Variants in ERFL observed in about 807,000 individuals in gnomAD.
ERFL encodes the protein ETS repressor factor like.
ERFL carries 8 observed loss-of-function variants against 27.9 expected under a neutral mutation model. That is an observed-to-expected ratio of 0.29 (90% confidence interval 0.17 to 0.52). The LOEUF is 0.52. ERFL is among the 20% of genes least tolerant of loss of function. The pLI, the probability that ERFL is intolerant of heterozygous loss-of-function variation, is 0.97. For missense variants in ERFL, 294 were observed against 444.4 expected (o/e 0.66, Z 3.04); for synonymous variants, 174 against 202.8 (o/e 0.86, Z 1.21).
intron 1 of ERFL, among the ~76,000 whole-genome samples, chr19:41,913,726 T>TAAG (rs1372469307): frequency 1.4e-5 from 2 of 148,008 alleles, no homozygotes; most frequent in Non-Finnish European, 3.0e-5. Context: ...CTAGATATCT[T>TAAG]ACGCCCCTAA....
rs1227780290 is a variant in ERFL, at chr19:41,916,862, G to C, written c.-13-3930C>G. Among the ~76,000 whole-genome samples, 1 of 151,800 alleles carries C rather than the reference G, an allele frequency of 6.6e-6. No homozygotes were observed. The highest frequency in any genetic ancestry group is 2.4e-5 in the African/African-American group (1 of 41,194). Reference sequence around the variant, plus strand: ...ACGACCGACAGCGGCCCCTGCAGAGGTACACACAGACACACCCAGACACAC... The same window carrying C: ...ACGACCGACAGCGGCCCCTGCAGAGCTACACACAGACACACCCAGACACAC... On this transcript the variant is annotated intron_variant, in intron 1 of 5. Coordinates refer to ENST00000597630, the MANE Select transcript of ERFL (RefSeq NM_001365103.2). This position sits in a 1 kb window ranked among gnomAD's most constrained non-coding sequence, Gnocchi z 5.4.
At chr19:41,919,494 C>A (rs564157211) in intron 1 of ERFL, among the ~76,000 whole-genome samples, 1 of 148,422 alleles carries the variant, frequency 6.7e-6, no homozygotes, top group East Asian at 2.0e-4. Flanking sequence ...TTACCACCCA[C>A]GTGTGCACGT....
intron 1 of ERFL, among the ~76,000 whole-genome samples, chr19:41,924,976 G>A (rs2074862972): frequency 2.0e-5 from 3 of 152,236 alleles, no homozygotes; most frequent in Admixed American, 1.3e-4. Context: ...GGTTCCCAAT[G>A]CTTGCAAAAG....
rs2074762080 is a variant in ERFL at position 41,912,881 on chromosome 19, C to G, written c.39G>C (p.Pro13=). The change falls in exon 2 of 6, where the codon CCG becomes CCC. Residue 13 remains proline, a synonymous_variant. Transcript: ENST00000597630. ...CSCVSDLLFA[P]PALPALWTPG... ...GGGTCCAGAGAGCCGGCAGGGCGGG[C>G]GGGGCGAAGAGAAGGTCGGAGACGC... 1 of 1,228,194 alleles carries G rather than the reference C, an allele frequency of 8.1e-7. No individual in the cohort carries two copies. Among genetic ancestry groups the G allele is most frequent in the Non-Finnish European group, 1.0e-6 (1 of 986,826 alleles). 76.1% of individuals were successfully genotyped at this position (1,228,194 alleles called of 1,614,324 possible).
chr19:41,919,533 ACACG>A (rs1555852243), intron 1 of ERFL, among the ~76,000 whole-genome samples: 1 of 151,768 alleles, frequency 6.6e-6, no homozygotes, highest in African/African-American at 2.4e-5. Context: ...ACACACACAC[ACACG>A]TCCACATCTG....
At chr19:41,915,775 C>T (rs781899060) in intron 1 of ERFL, among the ~76,000 whole-genome samples, 2 of 152,176 alleles carry the variant, frequency 1.3e-5, no homozygotes, top group Non-Finnish European at 2.9e-5. Context: ...CCCCTGGCGC[C>T]CCCCTGGCCC....
At chr19:41,914,326 C>A (rs889009976) in intron 1 of ERFL, among the ~76,000 whole-genome samples, 1 of 151,356 alleles carries the variant, frequency 6.6e-6, no homozygotes, top group Non-Finnish European at 1.5e-5. Context: ...CGTCTCCCCC[C>A]ACCATCTCCC....
intron 1 of ERFL, among the ~76,000 whole-genome samples, chr19:41,915,428 G>A (rs1485009605): frequency 1.3e-5 from 2 of 151,550 alleles, no homozygotes; most frequent in Non-Finnish European, 1.5e-5. Context: ...CCCATCTCTG[G>A]GTCTCCATGC....
intron 2 of ERFL, among the ~76,000 whole-genome samples, chr19:41,912,254 A>G (rs922026932): frequency 4.6e-5 from 7 of 152,218 alleles, no homozygotes; most frequent in African/African-American, 1.7e-4. Context: ...GAAGTGTGAC[A>G]CAGGGACACA....
Position 41,928,079 on chromosome 19 carries a change from T to A in ERFL, c.-53A>T, listed in dbSNP as rs2074882772. On this transcript the variant is annotated 5_prime_UTR_variant, in exon 1 of 6. Transcript: ENST00000597630. ...GCATCCGCTCCGGTCCGGGGAGAAG[T>A]GTTTAAAGTTCGGATCCCGCAGCCA... The A allele has an allele frequency of 6.6e-6, 1 of 151,772 alleles. No individual in the cohort carries two copies. The highest frequency in any genetic ancestry group is 2.1e-4 in the South Asian group (1 of 4,798). 9.4% of individuals were successfully genotyped at this position (151,772 alleles called of 1,614,324 possible).
chr19:41,919,631 G>T (rs1317978909), intron 1 of ERFL, among the ~76,000 whole-genome samples: 1 of 151,966 alleles, frequency 6.6e-6, no homozygotes, highest in Non-Finnish European at 1.5e-5. Context: ...CAAACACACA[G>T]CTGGTCTGTG....
At chr19:41,922,660 G>A (rs1382768769) in intron 1 of ERFL, among the ~76,000 whole-genome samples, 2 of 152,114 alleles carry the variant, frequency 1.3e-5, no homozygotes, top group Non-Finnish European at 2.9e-5. Flanking sequence ...CAAGGGGCGG[G>A]GCCTGGGTGG....
rs553870953 is a variant in ERFL, at chr19:41,921,669, G to A, written c.-14+6371C>T. 8.5e-5 allele frequency among the ~76,000 whole-genome samples: 13 copies of A among 152,208 alleles called. No individual in the cohort carries two copies. The highest frequency in any genetic ancestry group is 2.1e-4 in the South Asian group (1 of 4,822). ...GAAGGAGAGAAGAGGGCAGAGATGC[G>A]GAAAATTGAGGGATTAGGGCAGAGG... On this transcript the variant is annotated intron_variant, in intron 1 of 5. Transcript: ENST00000597630. This position sits in a 1 kb window ranked among gnomAD's most constrained non-coding sequence, Gnocchi z 4.4.
chr19:41,914,156 A>G (rs2074771990), intron 1 of ERFL, among the ~76,000 whole-genome samples: 1 of 143,842 alleles, frequency 7.0e-6, no homozygotes, highest in Admixed American at 6.9e-5. Context: ...AGAGGCCCCA[A>G]CCTCAGATGC....
intron 1 of ERFL, among the ~76,000 whole-genome samples, chr19:41,920,104 ACTCACAGACATGACACGCTCACACATGCG>A (rs2074831073): frequency 1.8e-5 from 2 of 108,750 alleles, no homozygotes; most frequent in Admixed American, 1.2e-4. Flanking sequence ...ACAGACATAC[ACTCACAGACATGACACGCTCACACATGCG>A]CTCACAGACA....
intron 1 of ERFL, among the ~76,000 whole-genome samples, chr19:41,919,799 C>G (rs2074827375): frequency 6.6e-6 from 1 of 150,816 alleles, no homozygotes; most frequent in African/African-American, 2.5e-5. Context: ...GATAACTGCC[C>G]CAGGTCCCTG....
In ERFL at chr19:41,909,450, A is replaced by T. The variant is rs1555851081; in HGVS notation, c.324T>A (p.Ile108=). The change falls in exon 4 of 6, where the codon ATT becomes ATA. Residue 108 remains isoleucine (I), a synonymous_variant. Transcript: ENST00000597630. This position sits in a 1 kb window ranked among gnomAD's most constrained non-coding sequence, Gnocchi z 5.2. ...RALRYYYNKR[I]LHKTKGKRFT... ...ACCTCTTCCCTTTGGTCTTGTGGAGAATCCGCTTGTTGTAGTAGTAACTGT... is the reference window on the plus strand; with the variant it reads ...ACCTCTTCCCTTTGGTCTTGTGGAGTATCCGCTTGTTGTAGTAGTAACTGT... 4.0e-6 allele frequency: 5 copies of T among 1,239,142 alleles called. No homozygotes were observed. In the African/African-American group the frequency reaches 6.2e-5, roughly 15 times the overall value. 76.8% of individuals were successfully genotyped at this position (1,239,142 alleles called of 1,614,324 possible).
Position 41,920,814 on chromosome 19 carries a change from G to A in ERFL, c.-14+7226C>T, listed in dbSNP as rs544399449. On this transcript the variant is annotated intron_variant, in intron 1 of 5. Transcript: ENST00000597630. ...TGGATTCCCAGGCTGGGGAAGGTGT[G>A]TCTGCTACCCTCGCTTGAGAGGTGG... 2.6e-5 allele frequency among the ~76,000 whole-genome samples: 4 copies of A among 152,374 alleles called. No individual in the cohort carries two copies. In the South Asian group the frequency reaches 8.3e-4, roughly 32 times the overall value.
rs181738889 is a variant in ERFL, at chr19:41,910,910, C to A, written c.68-813G>T. Among the ~76,000 whole-genome samples the A allele has an allele frequency of 6.6e-6, 1 of 152,316 alleles. No homozygotes were observed. Among genetic ancestry groups the A allele is most frequent in the East Asian group, 1.9e-4 (1 of 5,182 alleles). ...CAAGGTCACGTCATCTCAACAACCCCACAGTGCACACCCATCACAACACAG... is the reference window on the plus strand; with the variant it reads ...CAAGGTCACGTCATCTCAACAACCCAACAGTGCACACCCATCACAACACAG... On this transcript the variant is annotated intron_variant, in intron 2 of 5. Transcript: ENST00000597630. This position sits in a 1 kb window ranked among gnomAD's most constrained non-coding sequence, Gnocchi z 4.4.
Sources: gnomAD v4.1 joint callset for allele counts (sites outside exome capture counted in the v4.1 genomes callset) on GRCh38, gnomAD v4.1.1 for gene constraint, Gnocchi (gnomAD v3.1) non-coding constraint, MANE v1.5 for transcripts, NCBI Gene and HGNC (gene_info 2026-07-23, HGNC 2026-07-21) for gene names.